The following DMD variants were observed in gnomAD, a reference collection of about 807,000 sequenced individuals.
The protein encoded by DMD is mutant dystrophin.
Under a neutral mutation model 330.1 loss-of-function variants are expected in DMD, and 63 were observed. The ratio of observed to expected loss-of-function variants is 0.19; its 90% CI spans 0.16 to 0.24. The LOEUF (loss-of-function observed/expected upper bound fraction) is 0.24. DMD is among the 10% of genes least tolerant of loss of function. DMD has a pLI of 1.00. For missense variants in DMD, 3,344 were observed against 2,684.1 expected, an observed-to-expected ratio of 1.25 and a Z score of -5.43; for synonymous variants, 1,223 against 959.8, an observed-to-expected ratio of 1.27 and a Z score of -5.07.
intron 2 of DMD, among the ~76,000 whole-genome samples, chrX:32,970,335 C>A (rs1257626450): frequency 1.1e-5 from 1 of 94,290 alleles, no homozygotes; most frequent in Non-Finnish European, 2.0e-5. Flanking sequence ...TTGCTTGTAA[C>A]ATGAAGGATA....
chrX:32,009,297 T>C lies in DMD; in HGVS notation c.6439-40783A>G, dbSNP rs146071188. Among the ~76,000 whole-genome samples the C allele has an allele frequency of 2.2e-3, 250 of 111,613 alleles. 1 individual carries two copies. The highest frequency in any genetic ancestry group is 7.5e-3 in the African/African-American group (231 of 30,787). ...CTCTGTAAATAAGTTGCTTTCCAAG[T>C]TCATGGCCTTTGAAGCACCCTTCAT... On this transcript the variant is annotated intron_variant, in intron 44 of 78. Coordinates refer to ENST00000357033, the MANE Select transcript of DMD (RefSeq NM_004006.3).
At chrX:33,097,689 C>G (rs753332804) in intron 1 of DMD, among the ~76,000 whole-genome samples, 5 of 96,253 alleles carry the variant, frequency 5.2e-5, no homozygotes, top group Non-Finnish European at 8.0e-5. Context: ...GATCTGGGCT[C>G]ACTGCAACCT....
At chrX:32,109,748 T>C (rs961844366) in intron 44 of DMD, among the ~76,000 whole-genome samples, 2 of 111,924 alleles carry the variant, frequency 1.8e-5, no homozygotes, top group African/African-American at 6.5e-5. Flanking sequence ...AAGTTTTGTG[T>C]TAAATGCCAA....
At chrX:33,211,771 G>T (rs754254664), upstream of DMD, among the ~76,000 whole-genome samples, 1 of 112,402 alleles carries the variant, frequency 8.9e-6, no homozygotes, top group Non-Finnish European at 1.9e-5. Flanking sequence ...CATAGTACTT[G>T]CTTTTAAAGC....
chrX:33,237,363 C>A lies in DMD; in HGVS notation c.7+101896G>T, dbSNP rs980967793. Among the ~76,000 whole-genome samples, 64 of 109,624 alleles carry A rather than the reference C, an allele frequency of 5.8e-4. 1 individual carries two copies. Among genetic ancestry groups the A allele is most frequent in the African/African-American group, 2.1e-3 (64 of 30,024 alleles). On this transcript the variant is annotated intron_variant, in intron 1 of 17. Transcript: ENST00000288447. ...GGTTCAAGCGATTCTTCTGCCTCAG[C>A]CTCCCAAGTAGCTGAGATTACAGGC...
At chrX:32,710,163 GT>G (rs113728237) in intron 7 of DMD, among the ~76,000 whole-genome samples, 1 of 106,959 alleles carries the variant, frequency 9.3e-6, no homozygotes, top group East Asian at 2.9e-4. Context: ...CTTTTATTAT[GT>G]TTTTTTTTCA....
intron 60 of DMD, among the ~76,000 whole-genome samples, chrX:31,363,957 T>C (rs2059102280): frequency 8.9e-6 from 1 of 112,054 alleles, no homozygotes; most frequent in Non-Finnish European, 1.9e-5. Flanking sequence ...TACACAGATA[T>C]TGATGTTTGA....
chrX:32,863,527 A>ATTGTGT (rs1309526109), intron 2 of DMD, among the ~76,000 whole-genome samples: 3 of 60,411 alleles, frequency 5.0e-5, no homozygotes, highest in African/African-American at 9.6e-5. Flanking sequence ...AAAAAAAAAG[A>ATTGTGT]TTGTGTTTAT....
chrX:32,524,859 C>T (rs1487371080), intron 17 of DMD, among the ~76,000 whole-genome samples: 2 of 112,253 alleles, frequency 1.8e-5, no homozygotes, highest in Admixed American at 9.4e-5. Flanking sequence ...AGAGTGATTA[C>T]GCTCGTTTTT....
At chrX:33,139,821 G>A (rs2047696866) in intron 1 of DMD, among the ~76,000 whole-genome samples, 1 of 98,632 alleles carries the variant, frequency 1.0e-5, no homozygotes. Flanking sequence ...CTCATCTTGC[G>A]TATTTCTTTA....
chrX:31,454,227 C>T (rs1195417265), intron 59 of DMD, among the ~76,000 whole-genome samples: 2 of 111,180 alleles, frequency 1.8e-5, no homozygotes, highest in Non-Finnish European at 3.8e-5. Flanking sequence ...CAACCTCCGC[C>T]TCGTGGGTTC....
intron 48 of DMD, among the ~76,000 whole-genome samples, chrX:31,850,471 G>A (rs753993555): frequency 8.9e-6 from 1 of 111,812 alleles, no homozygotes; most frequent in African/African-American, 3.3e-5. Context: ...TTGACTTTGG[G>A]CTTGACTGTG....
chrX:32,724,648 TA>T (rs2066676076), intron 7 of DMD, among the ~76,000 whole-genome samples: 1 of 111,647 alleles, frequency 9.0e-6, no homozygotes, highest in South Asian at 3.7e-4. Flanking sequence ...CCATGGCACT[TA>T]AAATCTTCAT....
chrX:31,634,593 TAA>T (rs978676265), intron 54 of DMD, among the ~76,000 whole-genome samples: 1 of 111,700 alleles, frequency 9.0e-6, no homozygotes, highest in African/African-American at 3.2e-5. Flanking sequence ...CTTTAGATAG[TAA>T]GAGAGTATAG....
chrX:32,451,093 T>A (rs1300586419), intron 26 of DMD, among the ~76,000 whole-genome samples: 1 of 110,808 alleles, frequency 9.0e-6, no homozygotes, highest in Non-Finnish European at 1.9e-5. Flanking sequence ...ATTGCTAGGA[T>A]TTCACACCCG....
intron 2 of DMD, among the ~76,000 whole-genome samples, chrX:32,940,778 G>A (rs1029928386): frequency 1.8e-5 from 2 of 111,537 alleles, no homozygotes; most frequent in East Asian, 2.8e-4. Flanking sequence ...AAAAGCAATT[G>A]GAGCAAAACC....
At chrX:32,175,200 A>C (rs2096901851) in intron 44 of DMD, among the ~76,000 whole-genome samples, 1 of 111,135 alleles carries the variant, frequency 9.0e-6, no homozygotes, top group African/African-American at 3.3e-5. Flanking sequence ...TTCTGGGTCG[A>C]GTGGGGACTT....
chrX:31,346,841 A>C (rs1329089553), intron 61 of DMD, among the ~76,000 whole-genome samples: 1 of 106,829 alleles, frequency 9.4e-6, no homozygotes, highest in African/African-American at 3.4e-5. Flanking sequence ...TCTACTAAAA[A>C]AATACAAAAA....
chrX:31,204,267 G>C (rs1039332036), intron 66 of DMD, 149 bp from the exon 67 acceptor site: 7 of 506,361 alleles, frequency 1.4e-5, no homozygotes, highest in Non-Finnish European at 2.4e-5. Context: ...TGCTAATCTG[G>C]ATATTTATTA....
Sources: gnomAD v4.1 joint callset for allele counts (sites outside exome capture counted in the v4.1 genomes callset) on GRCh38, gnomAD v4.1.1 for gene constraint, MANE v1.5 for transcripts, NCBI Gene and HGNC (gene_info 2026-07-23, HGNC 2026-07-21) for gene names.